The following PPP2R2C variants were observed in gnomAD, a reference collection of about 807,000 sequenced individuals.
The protein encoded by PPP2R2C is protein phosphatase 2, regulatory subunit B, gamma.
A neutral mutation model predicts 45.3 loss-of-function variants in PPP2R2C; 10 were observed. The ratio of observed to expected loss-of-function variants is 0.22; its 90% confidence interval spans 0.14 to 0.37. The LOEUF (loss-of-function observed/expected upper bound fraction) is 0.37. PPP2R2C is among the 10% of genes least tolerant of loss of function. PPP2R2C has a pLI of 1.00. For synonymous variants in PPP2R2C, 257 were observed against 245.4 expected (o/e 1.05, Z -0.44); for missense variants, 308 against 619.7 (o/e 0.50, Z 5.34).
intron 1 of PPP2R2C, among the ~76,000 whole-genome samples, chr4:6,390,742 C>A (rs1260687091): frequency 6.6e-6 from 1 of 152,168 alleles, no homozygotes; most frequent in Non-Finnish European, 1.5e-5. Context: ...AGCCGCAGGG[C>A]CACCGGGGTC....
chr4:6,451,994 C>T (rs1238530265), intron 1 of PPP2R2C, among the ~76,000 whole-genome samples: 1 of 152,138 alleles, frequency 6.6e-6, no homozygotes, highest in Non-Finnish European at 1.5e-5. Context: ...GCAGTGTGGA[C>T]CGAGCTGCAG....
chr4:6,402,717 C>T (rs1717498620), intron 1 of PPP2R2C, among the ~76,000 whole-genome samples: 1 of 152,228 alleles, frequency 6.6e-6, no homozygotes, highest in South Asian at 2.1e-4. Context: ...TCTGAGGGCC[C>T]AGCCTGGGGA....
At chr4:6,376,316 G>A (rs1715297215) in intron 3 of PPP2R2C, among the ~76,000 whole-genome samples, 1 of 152,174 alleles carries the variant, frequency 6.6e-6, no homozygotes, top group African/African-American at 2.4e-5. Flanking sequence ...GCATCTGAAA[G>A]GTACCCAAGG....
intron 2 of PPP2R2C, among the ~76,000 whole-genome samples, chr4:6,480,565 C>T (rs1312622597): frequency 6.6e-6 from 1 of 152,152 alleles, no homozygotes; most frequent in Non-Finnish European, 1.5e-5. Flanking sequence ...GTCCACCCAC[C>T]CACATAATAT....
intron 2 of PPP2R2C, among the ~76,000 whole-genome samples, chr4:6,490,919 A>C (rs1353678132): frequency 6.6e-6 from 1 of 152,192 alleles, no homozygotes; most frequent in East Asian, 1.9e-4. Flanking sequence ...AAAGAGGTTA[A>C]GCAACCTCAG....
At chr4:6,394,946 C>A (rs1716919201) in intron 1 of PPP2R2C, among the ~76,000 whole-genome samples, 2 of 152,188 alleles carry the variant, frequency 1.3e-5, no homozygotes, top group African/African-American at 4.8e-5. Context: ...GGCCATAATT[C>A]CCTGAGCTGG....
chr4:6,415,732 G>A (rs1378335891), intron 1 of PPP2R2C, among the ~76,000 whole-genome samples: 1 of 152,202 alleles, frequency 6.6e-6, no homozygotes, highest in East Asian at 1.9e-4. Flanking sequence ...TGGTCACCCA[G>A]GAGGGGAACT....
In PPP2R2C at chr4:6,331,470, A is replaced by G. The variant is rs551746337; in HGVS notation, c.960+2092T>C. ...AGCCCCTTCACCCTTGCCTTCTTCA[A>G]CCACAGAGGCTGTTAAACCATTAAT... On this transcript the variant is annotated intron_variant, in intron 7 of 8. Coordinates refer to ENST00000382599, the MANE Select transcript of PPP2R2C (RefSeq NM_020416.4). The surrounding 1 kb of genome is among the most constrained non-coding windows in gnomAD (Gnocchi z 5.9). Among the ~76,000 whole-genome samples the G allele has an allele frequency of 6.6e-6, 1 of 152,258 alleles. No individual in the cohort carries two copies. The highest frequency in any genetic ancestry group is 6.5e-5 in the Admixed American group (1 of 15,304).
At chr4:6,395,565 G>A (rs996943900) in intron 1 of PPP2R2C, among the ~76,000 whole-genome samples, 5 of 152,336 alleles carry the variant, frequency 3.3e-5, no homozygotes, top group African/African-American at 1.2e-4. Flanking sequence ...AAGGTGTGGG[G>A]TAGGGTGTGG....
intron 1 of PPP2R2C, among the ~76,000 whole-genome samples, chr4:6,435,781 C>T (rs895606092): frequency 8.5e-5 from 13 of 152,180 alleles, no homozygotes; most frequent in African/African-American, 2.9e-4. Flanking sequence ...TCCACTTTGC[C>T]TCTCTAGTAG....
intron 2 of PPP2R2C, among the ~76,000 whole-genome samples, chr4:6,510,434 A>G (rs574447784): frequency 6.6e-6 from 1 of 152,118 alleles, no homozygotes; most frequent in Non-Finnish European, 1.5e-5. Flanking sequence ...GCCTTTCTCC[A>G]TCATCACCTT....
Position 6,332,966 on chromosome 4 carries a change from A to G in PPP2R2C, c.960+596T>C, listed in dbSNP as rs1732531548. On this transcript the variant is annotated intron_variant, in intron 7 of 8. Transcript: ENST00000382599. The surrounding 1 kb of genome is among the most constrained non-coding windows in gnomAD (Gnocchi z 4.9). ...CATCCCACATTTCTTTCAAGTCCACATTTTATTTTAACATCACATGAGTTT... is the reference window on the plus strand; with the variant it reads ...CATCCCACATTTCTTTCAAGTCCACGTTTTATTTTAACATCACATGAGTTT... Among the ~76,000 whole-genome samples the G allele has an allele frequency of 6.6e-6, 1 of 152,150 alleles. No homozygotes were observed. The highest frequency in any genetic ancestry group is 2.4e-5 in the African/African-American group (1 of 41,430).
At chr4:6,422,374 C>T (rs34974280) in intron 1 of PPP2R2C, among the ~76,000 whole-genome samples, 4,496 of 152,282 alleles carry the variant, frequency 0.03, 151 homozygotes, top group African/African-American at 0.076. Context: ...CTCCGGCAAA[C>T]GAGTTCACCT....
At chr4:6,472,129 C>T (rs1478898737) in intron 1 of PPP2R2C, 31 bp downstream of exon 1, 1 of 1,612,946 alleles carries the variant, frequency 6.2e-7, no homozygotes, top group Non-Finnish European at 8.5e-7. Flanking sequence ...CCGCGGCCGG[C>T]CGGAGGGGTC....
chr4:6,395,261 T>A (rs1716944512), intron 1 of PPP2R2C, among the ~76,000 whole-genome samples: 1 of 152,198 alleles, frequency 6.6e-6, no homozygotes, highest in East Asian at 1.9e-4. Flanking sequence ...GTGGCCAGCC[T>A]GGACATTCTT....
At chr4:6,490,695 C>A (rs1295195490) in intron 2 of PPP2R2C, among the ~76,000 whole-genome samples, 1 of 152,122 alleles carries the variant, frequency 6.6e-6, no homozygotes, top group African/African-American at 2.4e-5. Flanking sequence ...CCAGGGAGAG[C>A]GGACGCATCA....
rs558951417 is a variant in PPP2R2C at position 6,347,695 on chromosome 4, G to A, written c.790+151C>T. ...AGACCAGGCTCCCCGACCAGCCAGC[G>A]CTGAAGCAGCAATGGGCCCACCCAC... On this transcript the variant is annotated intron_variant, in intron 6 of 8. Transcript: ENST00000382599. 2.2e-5 allele frequency: 23 copies of A among 1,035,894 alleles called. 1 individual carries two copies. Among genetic ancestry groups the A allele is most frequent in the South Asian group, 2.0e-4 (12 of 59,910 alleles). The allele number at this position is 1,035,894 out of a possible 1,614,324, so 64.2% of individuals were successfully genotyped here. A position where few individuals can be genotyped will look rare whatever the true frequency, so the allele number is the denominator to read the frequency against.
At chr4:6,450,432 A>G (rs745441491) in intron 1 of PPP2R2C, among the ~76,000 whole-genome samples, 2 of 152,164 alleles carry the variant, frequency 1.3e-5, no homozygotes, top group Non-Finnish European at 2.9e-5. Flanking sequence ...TCACAGAAAA[A>G]TCAAGCAACG....
intron 2 of PPP2R2C, among the ~76,000 whole-genome samples, chr4:6,481,978 C>CAAAA (rs59905632): frequency 7.4e-5 from 6 of 81,142 alleles, no homozygotes; most frequent in African/African-American, 2.1e-4. Context: ...GACTCCGTCT[C>CAAAA]AAAAAAAAAA....
Sources: gnomAD v4.1 joint callset for allele counts (sites outside exome capture counted in the v4.1 genomes callset) on GRCh38, gnomAD v4.1.1 for gene constraint, Gnocchi (gnomAD v3.1) non-coding constraint, MANE v1.5 for transcripts, NCBI Gene and HGNC (gene_info 2026-07-23, HGNC 2026-07-21) for gene names.